LSM8: variants seen among roughly 807,000 people sequenced by gnomAD.
LSM8 encodes the protein LSM8 homolog, U6 small nuclear RNA associated.
A neutral mutation model predicts 15.0 loss-of-function variants in LSM8; 14 were observed. That is an observed-to-expected ratio of 0.93 (90% CI 0.62 to 1.46). The LOEUF (loss-of-function observed/expected upper bound fraction) is 1.46. Among genes scored for constraint, LSM8 ranks in the 40% most tolerant of loss-of-function variants. The probability of loss-of-function intolerance (pLI) is 0.00; values close to 1 mark genes in which losing one functional copy is unlikely to be tolerated. For synonymous variants in LSM8, 50 were observed against 42.1 expected (o/e 1.19, Z -0.73); for missense variants, 90 against 115.4 (o/e 0.78, Z 1.01).
At chr7:118,187,664 CAG>C (rs1010994340) in intron 2 of LSM8, among the ~76,000 whole-genome samples, 3 of 152,196 alleles carry the variant, frequency 2.0e-5, no homozygotes, top group African/African-American at 7.2e-5. Context: ...TGGTCTGGCT[CAG>C]GAGCTAGCCT....
intron 2 of LSM8, among the ~76,000 whole-genome samples, chr7:118,186,516 A>G (rs1808892893): frequency 6.6e-6 from 1 of 152,042 alleles, no homozygotes; most frequent in Non-Finnish European, 1.5e-5. Context: ...CTTAGTGACT[A>G]TTATTAGTCA....
At position 118,196,705 on chromosome 7, in the gene LSM8, TTTA is replaced by T. The variant is rs770082716; in HGVS notation, c.*4706_*4708del. On this transcript the variant is annotated 3_prime_UTR_variant, in exon 4 of 4. Coordinates refer to ENST00000249299, the MANE Select transcript of LSM8 (RefSeq NM_016200.5). ...TTTTTTTTAAGTCCTTTAATTTTTA[TTTA>T]TTTATTTATTTATTTATTTATTTAT... Among the ~76,000 whole-genome samples the T allele has an allele frequency of 5.5e-5, 2 of 36,672 alleles. No homozygotes were observed. Among genetic ancestry groups the T allele is most frequent in the South Asian group, 3.4e-3 (2 of 596 alleles). The allele number at this position is 36,672 out of a possible 152,430, so 24.1% of individuals were successfully genotyped here.
chr7:118,201,967 G>A lies in LSM8; in HGVS notation c.*9965G>A, dbSNP rs988608463. ...TGTGAATCTGCATGGCATAAATCAA[G>A]TCTCTAGATCCTGATCACTTCTATG... On this transcript the variant is annotated 3_prime_UTR_variant, in exon 4 of 4. Coordinates refer to ENST00000249299, the MANE Select transcript of LSM8 (RefSeq NM_016200.5). 6.6e-6 allele frequency among the ~76,000 whole-genome samples: 1 copy of A among 152,002 alleles called. No homozygotes were observed. Among genetic ancestry groups the A allele is most frequent in the Non-Finnish European group, 1.5e-5 (1 of 67,968 alleles).
At chr7:118,185,405 A>G (rs1303222374) in intron 1 of LSM8, 2 of 405,802 alleles carry the variant, frequency 4.9e-6, no homozygotes, top group Non-Finnish European at 8.9e-6. Flanking sequence ...AGCTGGGACT[A>G]TAGGTCACCA....
chr7:118,187,642 G>A (rs898956592), intron 2 of LSM8, among the ~76,000 whole-genome samples: 21 of 152,200 alleles, frequency 1.4e-4, no homozygotes, highest in African/African-American at 4.8e-4. Flanking sequence ...AGTATAGAAT[G>A]TTATGGTTTA....
chr7:118,184,195 C>T lies in LSM8; in HGVS notation c.-29C>T, dbSNP rs1360668516. 1.3e-6 allele frequency: 2 copies of T among 1,543,438 alleles called. No individual in the cohort carries two copies. The highest frequency in any genetic ancestry group is 1.7e-6 in the Non-Finnish European group (2 of 1,143,286). ...GTTCTGCTTGCTGTCGGCACCGCTGCGTTACCCGGAACCGCCGGGCCGAAC... is the reference window on the plus strand; with the variant it reads ...GTTCTGCTTGCTGTCGGCACCGCTGTGTTACCCGGAACCGCCGGGCCGAAC... On this transcript the variant is annotated 5_prime_UTR_variant, in exon 1 of 4. Coordinates refer to ENST00000249299, the MANE Select transcript of LSM8 (RefSeq NM_016200.5).
chr7:118,185,090 G>C (rs1808864001), intron 1 of LSM8: 1 of 152,094 alleles, frequency 6.6e-6, no homozygotes, highest in African/African-American at 2.4e-5. Flanking sequence ...TATCCTGCCT[G>C]AAATAATAGA....
At chr7:118,188,542 C>A (rs950644796) in intron 3 of LSM8, 137 bp downstream of exon 3, 11 of 763,870 alleles carry the variant, frequency 1.4e-5, no homozygotes, top group South Asian at 4.7e-5. Context: ...GTAAATATAC[C>A]TTTTCTTATG....
At chr7:118,190,063 A>G (rs1327553957) in intron 3 of LSM8, 3 of 152,232 alleles carry the variant, frequency 2.0e-5, no homozygotes, top group Non-Finnish European at 4.4e-5. Flanking sequence ...AGCAATTTTA[A>G]GCTAGAACAT....
At position 118,199,784 on chromosome 7, in the gene LSM8, CTGACA is replaced by C. The variant is rs1341030336; in HGVS notation, c.*7785_*7789del. Among the ~76,000 whole-genome samples, 1 of 152,086 alleles carries C rather than the reference CTGACA, an allele frequency of 6.6e-6. No individual in the cohort carries two copies. The highest frequency in any genetic ancestry group is 2.4e-5 in the African/African-American group (1 of 41,428). Reference sequence around the variant, plus strand: ...AGGCCACCTCCCCAGCAAGTAAATACTGACATGGTGAAGATATGTATTGGGTGATA... The same window carrying C: ...AGGCCACCTCCCCAGCAAGTAAATACTGGTGAAGATATGTATTGGGTGATA... On this transcript the variant is annotated 3_prime_UTR_variant, in exon 4 of 4. Transcript: ENST00000249299.
At position 118,192,893 on chromosome 7, in the gene LSM8, C is replaced by T. The variant is rs539330176; in HGVS notation, c.*891C>T. 53 of 152,136 alleles carry T rather than the reference C, an allele frequency of 3.5e-4. No individual in the cohort carries two copies. Among genetic ancestry groups the T allele is most frequent in the African/African-American group, 1.2e-3 (50 of 41,528 alleles). 9.4% of individuals were successfully genotyped at this position (152,136 alleles called of 1,614,324 possible). On this transcript the variant is annotated 3_prime_UTR_variant, in exon 4 of 4. Coordinates refer to ENST00000249299, the MANE Select transcript of LSM8 (RefSeq NM_016200.5). ...TATCCATAAACCTGATTTCAGAAGA[C>T]GTCAACTCAGTTTTTTAAATAATTG...
Position 118,184,381 on chromosome 7 carries a change from C to T in LSM8, c.31+127C>T, listed in dbSNP as rs976756723. ...GGGGCGGGCGAGGAGATGAGGGCCC[C>T]GGAACGACCCAGAGTTCGCCGGCGG... On this transcript the variant is annotated intron_variant, in intron 1 of 3. Transcript: ENST00000249299. The T allele has an allele frequency of 1.5e-5, 17 of 1,162,882 alleles. No homozygotes were observed. In the African/African-American group the frequency reaches 1.5e-4, roughly 10 times the overall value. 72.0% of individuals were successfully genotyped at this position (1,162,882 alleles called of 1,614,324 possible). A position where few individuals can be genotyped will look rare whatever the true frequency, so the allele number is the denominator to read the frequency against.
chr7:118,185,730 T>A (rs1296611914), intron 2 of LSM8, 36 bp downstream of exon 2: 4 of 1,586,366 alleles, frequency 2.5e-6, no homozygotes, highest in Non-Finnish European at 3.5e-6. Flanking sequence ...TGCTTTCCTG[T>A]AGGTTTATTG....
Position 118,184,231 on chromosome 7 carries a change from C to G in LSM8, c.8C>G (p.Ser3Cys). 6.5e-7 allele frequency: 1 copy of G among 1,541,620 alleles called. No homozygotes were observed. Residue 3 changes from serine (S) to cysteine (C), a missense_variant, in exon 1 of 4, where the codon TCC becomes TGC. By Grantham distance (112) the Ser-to-Cys change is moderately radical (BLOSUM62 -1). Transcript: ENST00000249299. ...ACCGCCGGGCCGAACAGCATGACGT[C>G]CGCTTTGGAGAACTACATCAACCGT... MTSALENYINRTV... is the reference protein window; with the variant it reads MTCALENYINRTV...
chr7:118,198,286 T>C lies in LSM8; in HGVS notation c.*6284T>C, dbSNP rs1809113521. ...AAAAGATAAATGAGAAATGAGAATA[T>C]GCCAGAGATCTGAAATGAAGAATGG... On this transcript the variant is annotated 3_prime_UTR_variant, in exon 4 of 4. Coordinates refer to ENST00000249299, the MANE Select transcript of LSM8 (RefSeq NM_016200.5). Among the ~76,000 whole-genome samples, 1 of 152,122 alleles carries C rather than the reference T, an allele frequency of 6.6e-6. No homozygotes were observed. Among genetic ancestry groups the C allele is most frequent in the African/African-American group, 2.4e-5 (1 of 41,428 alleles).
chr7:118,190,604 A>G (rs1353926337), intron 3 of LSM8: 1 of 152,206 alleles, frequency 6.6e-6, no homozygotes, highest in Non-Finnish European at 1.5e-5. Flanking sequence ...AAAATGTATC[A>G]GCATTTCCCT....
Position 118,184,172 on chromosome 7 carries a change from T to A in LSM8, c.-52T>A. The A allele has an allele frequency of 6.5e-7, 1 of 1,543,948 alleles. No individual in the cohort carries two copies. On this transcript the variant is annotated 5_prime_UTR_variant, in exon 1 of 4. Coordinates refer to ENST00000249299, the MANE Select transcript of LSM8 (RefSeq NM_016200.5). ...CCGGGTTCTGGCGCGCCCTTTCAGTTCTGCTTGCTGTCGGCACCGCTGCGT... is the reference window on the plus strand; with the variant it reads ...CCGGGTTCTGGCGCGCCCTTTCAGTACTGCTTGCTGTCGGCACCGCTGCGT...
Position 118,195,406 on chromosome 7 carries a change from A to C in LSM8, c.*3404A>C, listed in dbSNP as rs1304944638. 2.0e-5 allele frequency among the ~76,000 whole-genome samples: 3 copies of C among 152,222 alleles called. No homozygotes were observed. Among genetic ancestry groups the C allele is most frequent in the Admixed American group, 1.3e-4 (2 of 15,276 alleles). ...TTTGAGGACATAACCGTAAACAGCT[A>C]TTTAATACTATTCCAGGTAGTCAAA... is the stretch of plus-strand genomic sequence containing the variant. On this transcript the variant is annotated 3_prime_UTR_variant, in exon 4 of 4. Coordinates refer to ENST00000249299, the MANE Select transcript of LSM8 (RefSeq NM_016200.5).
chr7:118,184,365 G>A, intron 1 of LSM8, 111 bp downstream of exon 1: 1 of 1,259,394 alleles, frequency 7.9e-7, no homozygotes, highest in Non-Finnish European at 1.0e-6. Context: ...GGGGGCGGGC[G>A]AGGAGATGAG....
Sources: gnomAD v4.1 joint callset for allele counts (sites outside exome capture counted in the v4.1 genomes callset) on GRCh38, gnomAD v4.1.1 for gene constraint, MANE v1.5 for transcripts, NCBI Gene and HGNC (gene_info 2026-07-23, HGNC 2026-07-21) for gene names.